The following CCDC192 variants were observed in gnomAD, a reference collection of about 807,000 sequenced individuals.
CCDC192 encodes the protein coiled-coil domain containing 192.
chr5:127,881,034 C>T (rs1752332216), intron 6 of CCDC192, among the ~76,000 whole-genome samples: 1 of 152,092 alleles, frequency 6.6e-6, no homozygotes, highest in Non-Finnish European at 1.5e-5. Flanking sequence ...TAATGAGCAA[C>T]CCATACCATG....
At chr5:127,799,416 A>G (rs1329231148) in intron 5 of CCDC192, among the ~76,000 whole-genome samples, 1 of 152,160 alleles carries the variant, frequency 6.6e-6, no homozygotes, top group African/African-American at 2.4e-5. Flanking sequence ...ATTGTGACAT[A>G]TTTAGACAGA....
At chr5:127,723,011 T>G (rs1752114044) in intron 2 of CCDC192, among the ~76,000 whole-genome samples, 1 of 152,216 alleles carries the variant, frequency 6.6e-6, no homozygotes, top group Non-Finnish European at 1.5e-5. Flanking sequence ...GTCATTTTGT[T>G]AGAGATTGCA....
At chr5:127,870,060 G>A (rs1751781907) in intron 5 of CCDC192, among the ~76,000 whole-genome samples, 2 of 152,146 alleles carry the variant, frequency 1.3e-5, no homozygotes, top group South Asian at 4.1e-4. Flanking sequence ...ATAAGAAAAA[G>A]CTACGTCTTG....
chr5:127,814,965 T>G (rs1049964487), intron 5 of CCDC192, among the ~76,000 whole-genome samples: 1 of 152,210 alleles, frequency 6.6e-6, no homozygotes, highest in Non-Finnish European at 1.5e-5. Context: ...TTATTTTTAT[T>G]TTCAAGACAG....
chr5:127,843,318 G>A (rs535592881), intron 5 of CCDC192, among the ~76,000 whole-genome samples: 55 of 151,886 alleles, frequency 3.6e-4, no homozygotes, highest in African/African-American at 1.1e-3. Flanking sequence ...GATTACAGGC[G>A]TGAGCCATCG....
At chr5:127,721,725 G>C (rs113064441) in intron 2 of CCDC192, among the ~76,000 whole-genome samples, 6 of 152,304 alleles carry the variant, frequency 3.9e-5, no homozygotes, top group African/African-American at 1.4e-4. Flanking sequence ...AGGTTTGATT[G>C]GCTCATGGTT....
chr5:127,924,894 C>T (rs1405017263), intron 6 of CCDC192, among the ~76,000 whole-genome samples: 2 of 152,116 alleles, frequency 1.3e-5, no homozygotes, highest in Non-Finnish European at 2.9e-5. Flanking sequence ...CCTTTTATCC[C>T]CCTCTTTACT....
intron 5 of CCDC192, among the ~76,000 whole-genome samples, chr5:127,864,213 T>G (rs866719758): frequency 1.5e-4 from 23 of 152,338 alleles, no homozygotes; most frequent in African/African-American, 5.3e-4. Flanking sequence ...TTTATCTACA[T>G]TGGGAAATCC....
chr5:127,773,270 T>G (rs1325769305), intron 3 of CCDC192, among the ~76,000 whole-genome samples: 1 of 152,220 alleles, frequency 6.6e-6, no homozygotes, highest in Admixed American at 6.6e-5. Context: ...ATTTTCTATT[T>G]TTAATGGAGG....
chr5:127,870,899 C>A (rs1166798909), intron 5 of CCDC192, among the ~76,000 whole-genome samples: 3 of 152,216 alleles, frequency 2.0e-5, no homozygotes, highest in Non-Finnish European at 4.4e-5. Flanking sequence ...AAGGAAGAAC[C>A]TATGTATACC....
chr5:127,811,252 G>C (rs1172596804), intron 5 of CCDC192, among the ~76,000 whole-genome samples: 1 of 152,084 alleles, frequency 6.6e-6, no homozygotes, highest in East Asian at 1.9e-4. Flanking sequence ...TCCCTCCCTT[G>C]TTGGGGCATT....
chr5:127,736,844 C>T (rs903447532), intron 2 of CCDC192, among the ~76,000 whole-genome samples: 6 of 149,420 alleles, frequency 4.0e-5, no homozygotes, highest in Non-Finnish European at 4.5e-5. Flanking sequence ...GTCTTGCTAG[C>T]GGTCTATCAA....
intron 5 of CCDC192, among the ~76,000 whole-genome samples, chr5:127,803,705 G>A (rs144070874): frequency 1.3e-5 from 2 of 152,100 alleles, no homozygotes; most frequent in African/African-American, 4.8e-5. Flanking sequence ...CCATCCCAAC[G>A]GCCATCCCAT....
intron 5 of CCDC192, among the ~76,000 whole-genome samples, chr5:127,847,057 A>G (rs1410040629): frequency 6.6e-6 from 1 of 152,136 alleles, no homozygotes; most frequent in Non-Finnish European, 1.5e-5. Flanking sequence ...TGTCCATCCA[A>G]TGGTTAAAAG....
At chr5:127,819,164 C>A (rs1749167615) in intron 5 of CCDC192, among the ~76,000 whole-genome samples, 1 of 152,068 alleles carries the variant, frequency 6.6e-6, no homozygotes, top group South Asian at 2.1e-4. Context: ...AGATAAAGAC[C>A]CCCTACTGTC....
chr5:127,702,563 T>A (rs1269514342), upstream of CCDC192, among the ~76,000 whole-genome samples: 1 of 152,236 alleles, frequency 6.6e-6, no homozygotes, highest in Non-Finnish European at 1.5e-5. Context: ...AGTTACTTGC[T>A]CTATAATGCT....
intron 3 of CCDC192, among the ~76,000 whole-genome samples, chr5:127,766,647 A>G (rs1294766170): frequency 6.8e-6 from 1 of 147,188 alleles, no homozygotes; most frequent in African/African-American, 2.5e-5. Flanking sequence ...ACGAACTCTA[A>G]AGTTTCACTT....
In CCDC192 at chr5:127,884,342, C is replaced by CAAAAAAAAAAAAAAAAAAAAAAAAAAA. The variant is rs778430655; in HGVS notation, c.535+8682_535+8708dup. Among the ~76,000 whole-genome samples the CAAAAAAAAAAAAAAAAAAAAAAAAAAA allele has an allele frequency of 5.1e-4, 6 of 11,852 alleles. 1 individual carries two copies. The highest frequency in any genetic ancestry group is 1.1e-3 in the Non-Finnish European group (6 of 5,440). 7.8% of individuals were successfully genotyped at this position (11,852 alleles called of 152,430 possible). ...TGGGCGACAGAGCAAGACTCCGTCTCAAAAAAAAAAAAAAAAAAAAAAAAA... is the reference window on the plus strand; with the variant it reads ...TGGGCGACAGAGCAAGACTCCGTCTCAAAAAAAAAAAAAAAAAAAAAAAAAAAAAAAAAAAAAAAAAAAAAAAAAAAA... On this transcript the variant is annotated intron_variant, in intron 6 of 6. Transcript: ENST00000514853.
chr5:127,858,106 C>T (rs561230132), intron 5 of CCDC192, among the ~76,000 whole-genome samples: 112 of 152,236 alleles, frequency 7.4e-4, no homozygotes, highest in African/African-American at 2.6e-3. Context: ...TACGAAACAC[C>T]TAGAACAATA....
Sources: allele counts gnomAD v4.1 joint callset (sites outside exome capture counted in the v4.1 genomes callset), GRCh38; gene constraint gnomAD v4.1.1; transcripts MANE v1.5; gene names NCBI Gene and HGNC (gene_info 2026-07-23, HGNC 2026-07-21).